Variants in TUBA8 observed in about 807,000 individuals in gnomAD.
TUBA8 encodes tubulin alpha-8 chain.
A neutral mutation model predicts 34.7 loss-of-function variants in TUBA8; 29 were observed. That is an observed-to-expected ratio of 0.84 (90% CI 0.62 to 1.14). The LOEUF (loss-of-function observed/expected upper bound fraction) is 1.14. Among genes scored for constraint, TUBA8 ranks in the 50% most tolerant of loss-of-function variants. TUBA8 has a pLI of 0.00. For missense variants in TUBA8, 541 were observed against 599.2 expected (o/e 0.90, Z 1.01); for synonymous variants, 226 against 231.2 (o/e 0.98, Z 0.21).
chr22:18,128,325 G>A lies in TUBA8; in HGVS notation c.1056+1291G>A, dbSNP rs1050747678. 4 of 152,232 alleles carry A rather than the reference G, an allele frequency of 2.6e-5. No individual in the cohort carries two copies. The East Asian group carries it at 5.8e-4, about 22-fold the overall frequency. The allele number at this position is 152,232 out of a possible 1,614,324, so 9.4% of individuals were successfully genotyped here. On this transcript the variant is annotated intron_variant, in intron 4 of 4. Transcript: ENST00000330423. Reference sequence around the variant, plus strand: ...AAATGCCAGGCTCAGAGAGTCAGTGGGGAGATACAAAATAGCGAGGGTAGA... The same window carrying A: ...AAATGCCAGGCTCAGAGAGTCAGTGAGGAGATACAAAATAGCGAGGGTAGA...
In TUBA8 at chr22:18,126,351, T is replaced by C. The variant is rs2123705218; in HGVS notation, c.376-3T>C. On this transcript the variant is annotated splice_polypyrimidine_tract_variant and splice_region_variant and intron_variant, in intron 3 of 4. Transcript: ENST00000330423. This position sits in a 1 kb window ranked among gnomAD's most constrained non-coding sequence, Gnocchi z 4.0. ...ATTTCTTCTCATGTCCTGCTCTCCC[T>C]AGACAGATGCTTGCTCTGGCCTGCA... 2.5e-6 allele frequency: 4 copies of C among 1,614,148 alleles called. No homozygotes were observed. The South Asian group carries it at 3.3e-5, about 13-fold the overall frequency.
At position 18,121,558 on chromosome 22, in the gene TUBA8, A is replaced by C; in HGVS notation, c.83A>C (p.His28Pro). Residue 28 changes from histidine to proline, a missense_variant, in exon 2 of 5, where the codon CAC becomes CCC. His to Pro is a moderately conservative substitution (Grantham distance 77). Coordinates refer to ENST00000330423, the MANE Select transcript of TUBA8 (RefSeq NM_018943.3). This position sits in a 1 kb window ranked among gnomAD's most constrained non-coding sequence, Gnocchi z 4.8. ...TGCTGGGAGCTCTTCTGCCTGGAAC[A>C]CGGCATCCAGGCAGACGGCACTTTT... Reference protein sequence around the residue: ...NACWELFCLEHGIQADGTFDA... With the variant: ...NACWELFCLEPGIQADGTFDA... 6.2e-7 allele frequency: 1 copy of C among 1,614,204 alleles called. No homozygotes were observed. The highest frequency in any genetic ancestry group is 8.5e-7 in the Non-Finnish European group (1 of 1,180,030).
rs1173854905 is a variant in TUBA8 at position 18,121,828 on chromosome 22, C to A, written c.226+127C>A. On this transcript the variant is annotated intron_variant, in intron 2 of 4. Transcript: ENST00000330423. This position sits in a 1 kb window ranked among gnomAD's most constrained non-coding sequence, Gnocchi z 4.8. The stretch of plus-strand genomic sequence containing the variant: ...GATGGTGCAACCGCAGCCTCCCACC[C>A]CACGTGACATCTGTCAGCTCCTTGG... 2.3e-6 allele frequency: 2 copies of A among 851,694 alleles called. No homozygotes were observed. The highest frequency in any genetic ancestry group is 2.7e-5 in the East Asian group (1 of 37,536). 52.8% of individuals were successfully genotyped at this position (851,694 alleles called of 1,614,324 possible). A position where few individuals can be genotyped will look rare whatever the true frequency, so the allele number is the denominator to read the frequency against.
chr22:18,111,632 C>T lies in TUBA8; in HGVS notation c.3+764C>T, dbSNP rs1041349643. 1.3e-5 allele frequency: 2 copies of T among 152,190 alleles called. No homozygotes were observed. The highest frequency in any genetic ancestry group is 2.9e-5 in the Non-Finnish European group (2 of 68,114). The allele number at this position is 152,190 out of a possible 1,614,324, so 9.4% of individuals were successfully genotyped here. ...ACACTCAGTTCCTCTTTCTAGGGTC[C>T]CCCTCTCCGCCCCCAGTGCCCCTGG... On this transcript the variant is annotated intron_variant, in intron 1 of 4. Transcript: ENST00000330423. The surrounding 1 kb of genome is among the most constrained non-coding windows in gnomAD (Gnocchi z 5.1).
Position 18,131,167 on chromosome 22 carries a change from T to C in TUBA8, c.*31T>C, listed in dbSNP as rs752127835. On this transcript the variant is annotated 3_prime_UTR_variant, in exon 5 of 5. Coordinates refer to ENST00000330423, the MANE Select transcript of TUBA8 (RefSeq NM_018943.3). The surrounding 1 kb of genome is among the most constrained non-coding windows in gnomAD (Gnocchi z 5.3). Reference sequence around the variant, plus strand: ...TACCTTCCCCTTGGCTGTGTCTCTTTATTTATGCTGTGCCATTCAAAGCAC... The same window carrying C: ...TACCTTCCCCTTGGCTGTGTCTCTTCATTTATGCTGTGCCATTCAAAGCAC... 7.2e-5 allele frequency: 115 copies of C among 1,602,534 alleles called. No homozygotes were observed. Among genetic ancestry groups the C allele is most frequent in the Non-Finnish European group, 9.1e-5 (106 of 1,171,128 alleles).
chr22:18,122,782 G>A (rs1928184724), intron 2 of TUBA8: 1 of 152,056 alleles, frequency 6.6e-6, no homozygotes, highest in Admixed American at 6.6e-5. Context: ...CATGTCCCTA[G>A]AATATTTTAA....
intron 4 of TUBA8, chr22:18,127,297 C>A: frequency 2.2e-6 from 1 of 454,408 alleles, no homozygotes; most frequent in Non-Finnish European, 3.9e-6. Context: ...GTTTACTGAG[C>A]AACAAGTAAT....
intron 4 of TUBA8, chr22:18,127,559 A>G (rs966670861): frequency 1.5e-4 from 24 of 155,926 alleles, no homozygotes; most frequent in African/African-American, 5.6e-4. Context: ...ACGCCCAGCT[A>G]ATTTTTTGTA....
chr22:18,129,477 C>T (rs1237500401), intron 4 of TUBA8: 2 of 152,252 alleles, frequency 1.3e-5, no homozygotes, highest in African/African-American at 4.8e-5. Flanking sequence ...GATGTTAGCA[C>T]TTAGAGGAGA....
rs750375175 is a variant in TUBA8 at position 18,126,900 on chromosome 22, A to AT, written c.922_923insT (p.Arg308MetfsTer113). 6 of 1,611,846 alleles carry AT rather than the reference A, an allele frequency of 3.7e-6. No homozygotes were observed. The African/African-American group carries it at 5.3e-5, about 14-fold the overall frequency. On this transcript the variant is annotated frameshift_variant, in exon 4 of 5. Coordinates refer to ENST00000330423, the MANE Select transcript of TUBA8 (RefSeq NM_018943.3). LOFTEE classifies it high-confidence loss of function. This position sits in a 1 kb window ranked among gnomAD's most constrained non-coding sequence, Gnocchi z 4.0. ...CAGCCAGATGGTGAAGTGCGACCCGAGACATGGCAAGTACATGGCCTGCTG... is the reference window on the plus strand; with the variant it reads ...CAGCCAGATGGTGAAGTGCGACCCGATGACATGGCAAGTACATGGCCTGCTG...
At chr22:18,125,794 C>T (rs898034933) in intron 3 of TUBA8, 2 of 157,522 alleles carry the variant, frequency 1.3e-5, no homozygotes, top group African/African-American at 4.8e-5. Context: ...AACTCTCATT[C>T]CCTGTTCAAC....
intron 1 of TUBA8, chr22:18,114,785 A>T (rs1424345745): frequency 6.6e-6 from 1 of 152,148 alleles, no homozygotes; most frequent in Non-Finnish European, 1.5e-5. Context: ...ACTGTGGTCC[A>T]CGTCGGCCCC....
chr22:18,126,659 C>G lies in TUBA8; in HGVS notation c.681C>G (p.Leu227=). The G allele has an allele frequency of 6.2e-7, 1 of 1,614,188 alleles. No individual in the cohort carries two copies. Among genetic ancestry groups the G allele is most frequent in the Non-Finnish European group, 8.5e-7 (1 of 1,180,032 alleles). Residue 227 remains leucine (L), a synonymous_variant, in exon 4 of 5, where the codon CTC becomes CTG. Coordinates refer to ENST00000330423, the MANE Select transcript of TUBA8 (RefSeq NM_018943.3). This position sits in a 1 kb window ranked among gnomAD's most constrained non-coding sequence, Gnocchi z 4.0. Reference sequence around the variant, plus strand: ...TTGAGCGCCCTACCTATACCAACCTCAACCGCCTCATCAGTCAGATTGTGT... The same window carrying G: ...TTGAGCGCCCTACCTATACCAACCTGAACCGCCTCATCAGTCAGATTGTGT... ...LDIERPTYTN[L]NRLISQIVSS...
Position 18,121,580 on chromosome 22 carries a change from T to A in TUBA8, c.105T>A (p.Thr35=), listed in dbSNP as rs1338373414. 5 of 1,614,204 alleles carry A rather than the reference T, an allele frequency of 3.1e-6. No individual in the cohort carries two copies. The highest frequency in any genetic ancestry group is 4.2e-6 in the Non-Finnish European group (5 of 1,180,030). ...AACACGGCATCCAGGCAGACGGCAC[T>A]TTTGATGCTCAAGCTAGCAAGATCA... is the stretch of plus-strand genomic sequence containing the variant. The part of the protein sequence containing the change: ...CLEHGIQADG[T]FDAQASKIND... The change falls in exon 2 of 5, where the codon ACT becomes ACA. Residue 35 remains threonine, a synonymous_variant. Transcript: ENST00000330423. The surrounding 1 kb of genome is among the most constrained non-coding windows in gnomAD (Gnocchi z 4.8).
In TUBA8 at chr22:18,131,576, C is replaced by T. The variant is rs529048149; in HGVS notation, c.*440C>T. 500 of 244,508 alleles carry T rather than the reference C, an allele frequency of 2.0e-3. 1 individual carries two copies. Among genetic ancestry groups the T allele is most frequent in the Non-Finnish European group, 3.0e-3 (371 of 123,840 alleles). The allele number at this position is 244,508 out of a possible 1,614,324, so 15.1% of individuals were successfully genotyped here. A position where few individuals can be genotyped will look rare whatever the true frequency, so the allele number is the denominator to read the frequency against. On this transcript the variant is annotated 3_prime_UTR_variant, in exon 5 of 5. Transcript: ENST00000330423. This position sits in a 1 kb window ranked among gnomAD's most constrained non-coding sequence, Gnocchi z 5.3. ...ACATGAGTGGGTCTATAGCCCGCTC[C>T]GGGCATCATCTAGACTTAGCATGCA...
In TUBA8 at chr22:18,126,500, C is replaced by T. The variant is rs1928326246; in HGVS notation, c.522C>T (p.Ala174=). ...KSKLEFAIYP[A]PQVSTAVVEP... is the part of the protein sequence containing the mutation. ...AGCTGGAGTTTGCCATCTACCCAGC[C>T]CCCCAGGTCTCTACTGCAGTGGTGG... The change falls in exon 4 of 5, where the codon GCC becomes GCT. Residue 174 remains alanine (A), a synonymous_variant. Transcript: ENST00000330423. This position sits in a 1 kb window ranked among gnomAD's most constrained non-coding sequence, Gnocchi z 4.0. 2 of 1,614,108 alleles carry T rather than the reference C, an allele frequency of 1.2e-6. No homozygotes were observed. Among genetic ancestry groups the T allele is most frequent in the South Asian group, 1.1e-5 (1 of 91,070 alleles).
rs1484093617 is a variant in TUBA8, at chr22:18,119,031, G to C, written c.4-2448G>C. On this transcript the variant is annotated intron_variant, in intron 1 of 4. Coordinates refer to ENST00000330423, the MANE Select transcript of TUBA8 (RefSeq NM_018943.3). This position sits in a 1 kb window ranked among gnomAD's most constrained non-coding sequence, Gnocchi z 5.9. ...CTGTAGGCAGGACTAGAGGGTGGTC[G>C]GGATGCGGTGGTGGTGAGGGGGCGA... 6.6e-6 allele frequency: 1 copy of C among 152,410 alleles called. No homozygotes were observed. Among genetic ancestry groups the C allele is most frequent in the African/African-American group, 2.4e-5 (1 of 41,440 alleles). 9.4% of individuals were successfully genotyped at this position (152,410 alleles called of 1,614,324 possible). A position where few individuals can be genotyped will look rare whatever the true frequency, so the allele number is the denominator to read the frequency against.
At chr22:18,123,376 T>G (rs1384108070) in intron 2 of TUBA8, 1 of 146,248 alleles carries the variant, frequency 6.8e-6, no homozygotes, top group African/African-American at 2.5e-5. Context: ...TGCCTCAGCC[T>G]CCCGAGTAGC....
Position 18,118,077 on chromosome 22 carries a change from G to A in TUBA8, c.4-3402G>A, listed in dbSNP as rs867472373. The stretch of plus-strand genomic sequence containing the variant: ...ACAGTTAGCGATGCTGAGATTGATC[G>A]CGGCCTTAGGCTGGCGACCCTGGTA... On this transcript the variant is annotated intron_variant, in intron 1 of 4. Coordinates refer to ENST00000330423, the MANE Select transcript of TUBA8 (RefSeq NM_018943.3). The surrounding 1 kb of genome is among the most constrained non-coding windows in gnomAD (Gnocchi z 4.0). 2 of 152,112 alleles carry A rather than the reference G, an allele frequency of 1.3e-5. No individual in the cohort carries two copies. The highest frequency in any genetic ancestry group is 2.9e-5 in the Non-Finnish European group (2 of 68,020). The allele number at this position is 152,112 out of a possible 1,614,324, so 9.4% of individuals were successfully genotyped here.
Sources: allele counts gnomAD v4.1 joint callset, GRCh38; gene constraint gnomAD v4.1.1; non-coding constraint Gnocchi (gnomAD v3.1); transcripts MANE v1.5; gene names NCBI Gene and HGNC (gene_info 2026-07-23, HGNC 2026-07-21).